The following GSK3B variants were observed in gnomAD, a reference collection of about 807,000 sequenced individuals.
The protein encoded by GSK3B is glycogen synthase kinase 3 beta.
In GSK3B, 15 loss-of-function variants were observed where a neutral mutation model predicts 56.4. That is an observed-to-expected ratio of 0.27 (90% confidence interval 0.18 to 0.41). The LOEUF (loss-of-function observed/expected upper bound fraction) is 0.41, where lower values mean the gene tolerates loss of function less well. Among genes scored for constraint, GSK3B ranks in the 10% least tolerant of loss-of-function variants. The pLI, the probability that GSK3B is intolerant of heterozygous loss-of-function variation, is 1.00. For missense variants in GSK3B, 300 were observed against 513.4 expected, an observed-to-expected ratio of 0.58 and a Z score of 4.02; for synonymous variants, 181 against 188.9, an observed-to-expected ratio of 0.96 and a Z score of 0.34.
chr3:119,884,162 A>G (rs1026146668), intron 7 of GSK3B, among the ~76,000 whole-genome samples: 1 of 152,144 alleles, frequency 6.6e-6, no homozygotes, highest in African/African-American at 2.4e-5. Context: ...GTGAGGTCCC[A>G]TAAGACAGTG....
At chr3:119,977,716 C>T (rs2057420820) in intron 2 of GSK3B, among the ~76,000 whole-genome samples, 1 of 152,016 alleles carries the variant, frequency 6.6e-6, no homozygotes, top group Admixed American at 6.6e-5. Flanking sequence ...ATATAAAATA[C>T]TAATAATTAG....
chr3:120,024,434 T>C (rs754390618), intron 1 of GSK3B, among the ~76,000 whole-genome samples: 1 of 152,192 alleles, frequency 6.6e-6, no homozygotes, highest in Non-Finnish European at 1.5e-5. Flanking sequence ...ACCTGTCCAG[T>C]CTACACACAT....
At chr3:119,840,618 C>T (rs1200790738) in intron 10 of GSK3B, among the ~76,000 whole-genome samples, 1 of 152,150 alleles carries the variant, frequency 6.6e-6, no homozygotes, top group Non-Finnish European at 1.5e-5. Flanking sequence ...TACAGGCAGC[C>T]GGAAGGCCAA....
At chr3:120,001,086 G>A (rs1414086175) in intron 2 of GSK3B, among the ~76,000 whole-genome samples, 1 of 151,692 alleles carries the variant, frequency 6.6e-6, no homozygotes, top group African/African-American at 2.4e-5. Context: ...CACCATACCC[G>A]GCTAATTTTT....
At chr3:119,970,387 A>G (rs1439373037) in intron 2 of GSK3B, among the ~76,000 whole-genome samples, 1 of 152,200 alleles carries the variant, frequency 6.6e-6, no homozygotes, top group Non-Finnish European at 1.5e-5. Flanking sequence ...TAAAACTACA[A>G]TGAAATACCA....
chr3:119,847,481 AAAAAC>A (rs747822403), intron 9 of GSK3B, among the ~76,000 whole-genome samples: 2 of 152,094 alleles, frequency 1.3e-5, no homozygotes, highest in Admixed American at 6.5e-5. Flanking sequence ...ACTCCGTCTC[AAAAAC>A]AAAACAAAAC....
At chr3:119,892,145 A>G (rs531428690) in intron 7 of GSK3B, among the ~76,000 whole-genome samples, 35 of 152,290 alleles carry the variant, frequency 2.3e-4, no homozygotes, top group African/African-American at 8.2e-4. Context: ...AAACTTCAGC[A>G]ATAGAGGTGC....
chr3:119,924,730 A>G (rs1197612752), intron 3 of GSK3B, among the ~76,000 whole-genome samples: 1 of 152,200 alleles, frequency 6.6e-6, no homozygotes, highest in Non-Finnish European at 1.5e-5. Context: ...ACGAGAGTTA[A>G]CAAACAACAG....
In GSK3B at chr3:120,094,410, C is replaced by A. The variant is rs1576325520; in HGVS notation, c.-976G>T. Reference sequence around the variant, plus strand: ...GGCGGCGGCGGCGGCGGCGGCGGCACAAGCCCGCATTCGCCCGGGTCAGGA... The same window carrying A: ...GGCGGCGGCGGCGGCGGCGGCGGCAAAAGCCCGCATTCGCCCGGGTCAGGA... On this transcript the variant is annotated 5_prime_UTR_variant, in exon 1 of 11. Coordinates refer to ENST00000264235, the MANE Select transcript of GSK3B (RefSeq NM_001146156.2). The A allele has an allele frequency of 6.2e-6, 2 of 323,066 alleles. No homozygotes were observed. The highest frequency in any genetic ancestry group is 2.2e-5 in the African/African-American group (1 of 44,900). The allele number at this position is 323,066 out of a possible 1,614,324, so 20.0% of individuals were successfully genotyped here.
intron 2 of GSK3B, among the ~76,000 whole-genome samples, chr3:119,999,049 T>C (rs1180696903): frequency 3.3e-5 from 5 of 152,194 alleles, no homozygotes; most frequent in Admixed American, 6.5e-5. Context: ...ATAAAGCACA[T>C]ATATACAATG....
chr3:119,906,639 G>T (rs1013506817), intron 6 of GSK3B, among the ~76,000 whole-genome samples: 14 of 151,984 alleles, frequency 9.2e-5, no homozygotes, highest in Admixed American at 9.2e-4. Flanking sequence ...AAACCGTACG[G>T]TCACTCTATT....
At chr3:120,052,738 A>G (rs2058160792) in intron 1 of GSK3B, among the ~76,000 whole-genome samples, 1 of 152,214 alleles carries the variant, frequency 6.6e-6, no homozygotes, top group Non-Finnish European at 1.5e-5. Context: ...TCTAATCAAG[A>G]AGACTTCCAA....
At chr3:119,956,752 A>G (rs904978106) in intron 2 of GSK3B, among the ~76,000 whole-genome samples, 1 of 152,218 alleles carries the variant, frequency 6.6e-6, no homozygotes, top group African/African-American at 2.4e-5. Context: ...ATTCTGGAGA[A>G]TATCATCATT....
chr3:119,830,712 A>T (rs1231480402), intron 10 of GSK3B, among the ~76,000 whole-genome samples: 1 of 152,214 alleles, frequency 6.6e-6, no homozygotes. Context: ...ATCTTTCTTA[A>T]AACTAAACCA....
chr3:120,078,916 C>T (rs1355308897), intron 1 of GSK3B, among the ~76,000 whole-genome samples: 1 of 128,202 alleles, frequency 7.8e-6, no homozygotes, highest in Non-Finnish European at 1.7e-5. Flanking sequence ...CAGGAAATTA[C>T]ACACACACAC....
chr3:119,843,765 C>T (rs1041895068), intron 9 of GSK3B, among the ~76,000 whole-genome samples: 22 of 152,014 alleles, frequency 1.4e-4, no homozygotes, highest in African/African-American at 2.7e-4. Flanking sequence ...CACAGATCAA[C>T]GAAACAGAAA....
At chr3:120,010,106 C>G (rs1243939838) in intron 1 of GSK3B, among the ~76,000 whole-genome samples, 4 of 152,174 alleles carry the variant, frequency 2.6e-5, no homozygotes, top group African/African-American at 9.7e-5. Context: ...TAAATGCACA[C>G]AAACCCCAGC....
chr3:119,828,204 A>G (rs1262266111), intron 10 of GSK3B, among the ~76,000 whole-genome samples: 1 of 152,218 alleles, frequency 6.6e-6, no homozygotes, highest in African/African-American at 2.4e-5. Context: ...AGAAATACGT[A>G]CAACTCTACA....
chr3:120,002,445 T>C (rs905888160), intron 1 of GSK3B, among the ~76,000 whole-genome samples: 5 of 151,984 alleles, frequency 3.3e-5, no homozygotes, highest in African/African-American at 1.2e-4. Flanking sequence ...TTCAATCAAT[T>C]CTCCTGCCTC....
Sources: gnomAD v4.1 joint callset for allele counts (sites outside exome capture counted in the v4.1 genomes callset) on GRCh38, gnomAD v4.1.1 for gene constraint, MANE v1.5 for transcripts, NCBI Gene and HGNC (gene_info 2026-07-23, HGNC 2026-07-21) for gene names.